Variants in OSBPL8 observed in about 807,000 individuals in gnomAD.
The protein encoded by OSBPL8 is oxysterol-binding protein-related protein 8.
Under a neutral mutation model 125.5 loss-of-function variants are expected in OSBPL8, and 59 were observed. The ratio of observed to expected loss-of-function variants is 0.47; its 90% CI spans 0.38 to 0.58. The LOEUF (loss-of-function observed/expected upper bound fraction) is 0.58, where lower values mean the gene tolerates loss of function less well. Ranked by LOEUF, OSBPL8 falls within the 20% of genes least tolerant of loss-of-function variation. OSBPL8 has a pLI of 0.00. For synonymous variants in OSBPL8, 330 were observed against 338.9 expected (o/e 0.97, Z 0.29); for missense variants, 758 against 1,047.8 (o/e 0.72, Z 3.82).
intron 4 of OSBPL8, among the ~76,000 whole-genome samples, chr12:76,430,510 A>G (rs745940684): frequency 6.6e-6 from 1 of 152,236 alleles, no homozygotes; most frequent in Non-Finnish European, 1.5e-5. Flanking sequence ...GAAAAACAGG[A>G]CATCACCAAA....
At chr12:76,483,467 G>A (rs995131971) in intron 2 of OSBPL8, among the ~76,000 whole-genome samples, 1 of 148,420 alleles carries the variant, frequency 6.7e-6, no homozygotes. Context: ...GGGAGGCTGA[G>A]GCAGGCAAAC....
At chr12:76,423,729 G>T (rs536311945) in intron 4 of OSBPL8, among the ~76,000 whole-genome samples, 34 of 152,190 alleles carry the variant, frequency 2.2e-4, no homozygotes, top group African/African-American at 7.9e-4. Flanking sequence ...GCTCTAGTCA[G>T]ATGCTCTCTA....
At chr12:76,509,940 A>T (rs1476887258) in intron 1 of OSBPL8, among the ~76,000 whole-genome samples, 1 of 152,212 alleles carries the variant, frequency 6.6e-6, no homozygotes, top group Non-Finnish European at 1.5e-5. Flanking sequence ...GATCTTGACT[A>T]CTTTGGAGCA....
intron 11 of OSBPL8, chr12:76,390,039 C>T (rs2136290848): frequency 2.4e-6 from 1 of 420,140 alleles, no homozygotes; most frequent in East Asian, 3.5e-5. Context: ...ACAATATATA[C>T]AAGAGATCCA....
Position 76,351,966 on chromosome 12 carries a change from T to C in OSBPL8, c.*3923A>G, listed in dbSNP as rs761444699. ...AGTGGCCTATAACTATCTGTACATT[T>C]ACTGTGCACCTTAAGGAAAAGAATT... On this transcript the variant is annotated 3_prime_UTR_variant, in exon 24 of 24. Coordinates refer to ENST00000261183, the MANE Select transcript of OSBPL8 (RefSeq NM_020841.5). 3.3e-5 allele frequency: 5 copies of C among 152,256 alleles called. No homozygotes were observed. Among genetic ancestry groups the C allele is most frequent in the Non-Finnish European group, 7.3e-5 (5 of 68,044 alleles). The allele number at this position is 152,256 out of a possible 1,614,324, so 9.4% of individuals were successfully genotyped here.
At chr12:76,522,371 T>C (rs1209303106) in intron 1 of OSBPL8, among the ~76,000 whole-genome samples, 1 of 151,914 alleles carries the variant, frequency 6.6e-6, no homozygotes. Flanking sequence ...CCCTACCAAA[T>C]CCCATTTTGA....
chr12:76,385,856 T>C (rs1953287087), intron 14 of OSBPL8, among the ~76,000 whole-genome samples: 1 of 151,782 alleles, frequency 6.6e-6, no homozygotes, highest in East Asian at 1.9e-4. Flanking sequence ...TGAATAATTT[T>C]GAGCATGATC....
chr12:76,486,952 G>C (rs1047417438), intron 2 of OSBPL8, among the ~76,000 whole-genome samples: 9 of 151,702 alleles, frequency 5.9e-5, no homozygotes, highest in African/African-American at 2.2e-4. Context: ...AAAATAAGAG[G>C]AGGAGGATGG....
intron 1 of OSBPL8, among the ~76,000 whole-genome samples, chr12:76,526,019 G>A (rs1950161489): frequency 6.6e-6 from 1 of 152,160 alleles, no homozygotes; most frequent in Non-Finnish European, 1.5e-5. Context: ...CTTGAATAGT[G>A]GTTACTTGGA....
intron 11 of OSBPL8, chr12:76,390,192 T>C: frequency 2.2e-6 from 1 of 450,486 alleles, no homozygotes; most frequent in Non-Finnish European, 3.9e-6. Flanking sequence ...AAATCAAGCT[T>C]GAAGAAAATG....
intron 2 of OSBPL8, among the ~76,000 whole-genome samples, chr12:76,469,254 G>A (rs1358911189): frequency 6.6e-6 from 1 of 152,082 alleles, no homozygotes; most frequent in African/African-American, 2.4e-5. Flanking sequence ...CCACTCCTGA[G>A]CTGCAGACCC....
intron 2 of OSBPL8, among the ~76,000 whole-genome samples, chr12:76,478,436 A>C (rs61925510): frequency 6.6e-6 from 1 of 152,076 alleles, no homozygotes; most frequent in Admixed American, 6.5e-5. Context: ...ATCTCCAAGA[A>C]TAATAGAAAC....
Position 76,412,601 on chromosome 12 carries a change from A to G in OSBPL8, c.218-1967T>C, listed in dbSNP as rs1357933458. Among the ~76,000 whole-genome samples, 5 of 152,286 alleles carry G rather than the reference A, an allele frequency of 3.3e-5. No homozygotes were observed. The East Asian group carries it at 9.7e-4, about 29-fold the overall frequency. Reference sequence around the variant, plus strand: ...TATTTATACTAATTAACACAATAATATTAATAAAAGCAATAATAAAGCAAC... The same window carrying G: ...TATTTATACTAATTAACACAATAATGTTAATAAAAGCAATAATAAAGCAAC... On this transcript the variant is annotated intron_variant, in intron 4 of 23. Coordinates refer to ENST00000261183, the MANE Select transcript of OSBPL8 (RefSeq NM_020841.5).
chr12:76,472,522 C>T (rs564206356), intron 2 of OSBPL8, among the ~76,000 whole-genome samples: 2 of 152,150 alleles, frequency 1.3e-5, no homozygotes, highest in African/African-American at 2.4e-5. Context: ...GTAGTGGCCC[C>T]GAATGCCAGG....
chr12:76,405,342 C>A (rs1304683302), intron 5 of OSBPL8, among the ~76,000 whole-genome samples: 3 of 151,856 alleles, frequency 2.0e-5, no homozygotes, highest in African/African-American at 7.3e-5. Flanking sequence ...CCCTGTAGTC[C>A]CAGCTGTTTG....
chr12:76,377,186 T>C (rs1327136133), intron 16 of OSBPL8, among the ~76,000 whole-genome samples: 1 of 152,198 alleles, frequency 6.6e-6, no homozygotes, highest in African/African-American at 2.4e-5. Context: ...TGATGGGCAT[T>C]TGGGTTGGTC....
At chr12:76,367,965 G>A (rs1952483409) in intron 21 of OSBPL8, among the ~76,000 whole-genome samples, 3 of 152,202 alleles carry the variant, frequency 2.0e-5, no homozygotes, top group East Asian at 1.9e-4. Flanking sequence ...AATAAAAAGT[G>A]GACTTACAAA....
intron 4 of OSBPL8, among the ~76,000 whole-genome samples, chr12:76,414,100 C>T (rs575952655): frequency 6.6e-6 from 1 of 152,222 alleles, no homozygotes; most frequent in African/African-American, 2.4e-5. Context: ...GTGTGATATA[C>T]GGGTACAATT....
At chr12:76,360,372 TC>T (rs1166530667) in intron 21 of OSBPL8, among the ~76,000 whole-genome samples, 1 of 152,244 alleles carries the variant, frequency 6.6e-6, no homozygotes, top group Admixed American at 6.5e-5. Context: ...AGAGGTAGGT[TC>T]CCATAGTCTT....
Sources: gnomAD v4.1 joint callset for allele counts (sites outside exome capture counted in the v4.1 genomes callset) on GRCh38, gnomAD v4.1.1 for gene constraint, MANE v1.5 for transcripts, NCBI Gene and HGNC (gene_info 2026-07-23, HGNC 2026-07-21) for gene names.